SLC19A1: variants seen among roughly 807,000 people sequenced by gnomAD.
SLC19A1 encodes reduced folate transporter.
In SLC19A1, 37 loss-of-function variants were observed where a neutral mutation model predicts 35.3. The ratio of observed to expected loss-of-function variants is 1.05; its 90% CI spans 0.81 to 1.38. The LOEUF is 1.38. Ranked by LOEUF, SLC19A1 falls within the 40% of genes most tolerant of loss-of-function variation. The probability of loss-of-function intolerance (pLI) is 0.00; values close to 1 mark genes in which losing one functional copy is unlikely to be tolerated. For synonymous variants in SLC19A1, 460 were observed against 398.5 expected, an observed-to-expected ratio of 1.15 and a Z score of -1.84; for missense variants, 831 against 826.9, an observed-to-expected ratio of 1.00 and a Z score of -0.06.
intron 5 of SLC19A1, among the ~76,000 whole-genome samples, chr21:45,525,436 C>T (rs1172839500): frequency 6.6e-6 from 1 of 152,270 alleles, no homozygotes; most frequent in African/African-American, 2.4e-5. Flanking sequence ...ACTGACACTG[C>T]TGAGTGGCTC....
chr21:45,517,017 CGAG>C lies in SLC19A1; in HGVS notation c.1294-880_1294-878del, dbSNP rs1034675356. Among the ~76,000 whole-genome samples the C allele has an allele frequency of 9.9e-5, 15 of 152,280 alleles. No individual in the cohort carries two copies. The East Asian group carries it at 1.2e-3, about 12-fold the overall frequency. On this transcript the variant is annotated intron_variant, in intron 5 of 5. Transcript: ENST00000311124. The surrounding 1 kb of genome is among the most constrained non-coding windows in gnomAD (Gnocchi z 4.4). ...CCTGGGAAGACTCTGAAAGCAGGAG[CGAG>C]GAGGACAGACTGACCAGGCCCTCGG...
chr21:45,530,147 A>C lies in SLC19A1; in HGVS notation c.1151+623T>G, dbSNP rs1568996023. On this transcript the variant is annotated intron_variant, in intron 4 of 5. Transcript: ENST00000311124. The surrounding 1 kb of genome is among the most constrained non-coding windows in gnomAD (Gnocchi z 5.3). ...GTGTGGTGTGTTCATGTGAGTGTGCATTGTGTGTCCGTGTGTGTGTGGTGC... is the reference window on the plus strand; with the variant it reads ...GTGTGGTGTGTTCATGTGAGTGTGCCTTGTGTGTCCGTGTGTGTGTGGTGC... Among the ~76,000 whole-genome samples the C allele has an allele frequency of 7.8e-6, 1 of 127,918 alleles. No homozygotes were observed. The highest frequency in any genetic ancestry group is 7.9e-5 in the Admixed American group (1 of 12,710). 83.9% of individuals were successfully genotyped at this position (127,918 alleles called of 152,430 possible).
rs61338739 is a variant in SLC19A1 at position 45,530,762 on chromosome 21, G to T, written c.1151+8C>A. 5,176 of 1,552,336 alleles carry T rather than the reference G, an allele frequency of 3.3e-3. 18 individuals carry two copies. The highest frequency in any genetic ancestry group is 4.2e-3 in the Non-Finnish European group (4,779 of 1,147,862). On this transcript the variant is annotated splice_region_variant and intron_variant, in intron 4 of 5. Transcript: ENST00000311124. This position sits in a 1 kb window ranked among gnomAD's most constrained non-coding sequence, Gnocchi z 5.3. ...CCGCCCCCGGCTTCCCACCCTTCTG[G>T]AACTCACGTGGCGATGGGCACGAGG... is the stretch of plus-strand genomic sequence containing the variant.
rs1301540730 is a variant in SLC19A1, at chr21:45,526,089, G to GC, written c.1152-132dup. The GC allele has an allele frequency of 5.4e-6, 5 of 927,528 alleles. No homozygotes were observed. In the African/African-American group the frequency reaches 8.3e-5, roughly 15 times the overall value. The allele number at this position is 927,528 out of a possible 1,614,324, so 57.5% of individuals were successfully genotyped here. A position where few individuals can be genotyped will look rare whatever the true frequency, so the allele number is the denominator to read the frequency against. On this transcript the variant is annotated intron_variant, in intron 4 of 5. Coordinates refer to ENST00000311124, the MANE Select transcript of SLC19A1 (RefSeq NM_194255.4). ...CCACGGGGTCCCAGGGCACGCACAA[G>GC]CCCCCCACCAGGCCCCCATCTCTCC...
intron 3 of SLC19A1, chr21:45,506,182 T>C: frequency 1.6e-6 from 1 of 638,240 alleles, no homozygotes; most frequent in African/African-American, 1.8e-5. Context: ...TGAAAGTGGA[T>C]GAACACATGG....
rs564547850 is a variant in SLC19A1, at chr21:45,514,622, G to A, written c.*1036C>T. ...AAGGCCCTGCGTGGGCTGGAGGCGGGAGAAGGCTGGGACGCCTCTCCTGGC... is the reference window on the plus strand; with the variant it reads ...AAGGCCCTGCGTGGGCTGGAGGCGGAAGAAGGCTGGGACGCCTCTCCTGGC... On this transcript the variant is annotated 3_prime_UTR_variant, in exon 6 of 6. Transcript: ENST00000311124. 3.2e-3 allele frequency: 645 copies of A among 204,424 alleles called. 5 individuals are homozygous for A. The highest frequency in any genetic ancestry group is 0.014 in the African/African-American group (590 of 43,410). 12.7% of individuals were successfully genotyped at this position (204,424 alleles called of 1,614,324 possible).
chr21:45,505,421 C>A (rs557054483), intron 3 of SLC19A1: 1 of 1,555,054 alleles, frequency 6.4e-7, no homozygotes, highest in South Asian at 1.1e-5. Context: ...ACCATGGGCG[C>A]CTCCTCAGGG....
upstream of SLC19A1, among the ~76,000 whole-genome samples, chr21:45,546,091 A>G (rs1446054091): frequency 1.3e-5 from 2 of 152,192 alleles, no homozygotes; most frequent in African/African-American, 4.8e-5. Flanking sequence ...ACTGACATGG[A>G]TGCCCCTGTG....
downstream of SLC19A1, chr21:45,512,186 A>AG (rs1222545172): frequency 6.2e-7 from 1 of 1,611,432 alleles, no homozygotes; most frequent in Non-Finnish European, 8.5e-7. Flanking sequence ...CGCGTCTTAC[A>AG]GGCCCCAGAA....
Position 45,529,087 on chromosome 21 carries a change from G to A in SLC19A1, c.1151+1683C>T, listed in dbSNP as rs1054041245. Among the ~76,000 whole-genome samples the A allele has an allele frequency of 1.4e-4, 22 of 152,360 alleles. No individual in the cohort carries two copies. In the East Asian group the frequency reaches 1.5e-3, roughly 11 times the overall value. On this transcript the variant is annotated intron_variant, in intron 4 of 5. Transcript: ENST00000311124. Reference sequence around the variant, plus strand: ...AAGCAAGATCACGCTGGGCCTTCACGAGCCAGGGACGGCAAGAGCCCAGTG... The same window carrying A: ...AAGCAAGATCACGCTGGGCCTTCACAAGCCAGGGACGGCAAGAGCCCAGTG...
Position 45,531,887 on chromosome 21 carries a change from G to C in SLC19A1, c.451C>G (p.Arg151Gly). The change falls in exon 3 of 6, where the codon CGT (arginine) becomes GGT (glycine). Residue 151 changes from arginine to glycine, a missense_variant. By Grantham distance (125) the Arg-to-Gly change is moderately radical. Coordinates refer to ENST00000311124, the MANE Select transcript of SLC19A1 (RefSeq NM_194255.4). Reference protein sequence around the residue: ...FSLVRPARYQRVAGYSRAAVL... With the variant: ...FSLVRPARYQGVAGYSRAAVL... ...GCAGCGCGCGAGTAGCCGGCCACAC[G>C]CTGGTAGCGCGCGGGCCGCACGAGA... is the stretch of plus-strand genomic sequence containing the variant. 6.3e-7 allele frequency: 1 copy of C among 1,587,196 alleles called. No homozygotes were observed. Among genetic ancestry groups the C allele is most frequent in the Non-Finnish European group, 8.6e-7 (1 of 1,167,496 alleles).
Position 45,515,626 on chromosome 21 carries a change from G to C in SLC19A1, c.*32C>G, listed in dbSNP as rs57089577. The C allele has an allele frequency of 1.9e-6, 3 of 1,611,714 alleles. No individual in the cohort carries two copies. The highest frequency in any genetic ancestry group is 2.5e-6 in the Non-Finnish European group (3 of 1,179,888). ...GGGTCGTGGGGATGCACTGAGGGCC[G>C]CCTGCAAAGTTACCACAGGGGCGCC... is the stretch of plus-strand genomic sequence containing the variant. On this transcript the variant is annotated 3_prime_UTR_variant, in exon 6 of 6. Transcript: ENST00000311124.
upstream of SLC19A1, chr21:45,543,903 T>G (rs1428678098): frequency 6.6e-6 from 1 of 152,604 alleles, no homozygotes; most frequent in Non-Finnish European, 1.5e-5. Context: ...GGGCCCTTCC[T>G]TCCCTCCAGG....
Position 45,540,193 on chromosome 21 carries a change from C to T in SLC19A1, c.-50+2175G>A, listed in dbSNP as rs2078259899. On this transcript the variant is annotated intron_variant, in intron 1 of 5. Transcript: ENST00000311124. This position sits in a 1 kb window ranked among gnomAD's most constrained non-coding sequence, Gnocchi z 5.5. ...ATACCTCAGACCGCACCCACTCCTC[C>T]CCACTGGGAGACCCATTTGGCCCTG... Among the ~76,000 whole-genome samples, 1 of 152,194 alleles carries T rather than the reference C, an allele frequency of 6.6e-6. No individual in the cohort carries two copies. The highest frequency in any genetic ancestry group is 1.5e-5 in the Non-Finnish European group (1 of 68,016).
chr21:45,527,940 T>TAAAAA (rs35809128), intron 4 of SLC19A1, among the ~76,000 whole-genome samples: 1 of 135,636 alleles, frequency 7.4e-6, no homozygotes, highest in African/African-American at 2.7e-5. Context: ...GCAAAGTGCT[T>TAAAAA]AAAAAAAAAA....
chr21:45,510,391 G>A, downstream of SLC19A1: 2 of 1,067,020 alleles, frequency 1.9e-6, no homozygotes, highest in East Asian at 2.6e-5. Flanking sequence ...CGCCTAGGCT[G>A]GCGACTTCAG....
Position 45,513,943 on chromosome 21 carries a change from GGT to G in SLC19A1, c.*1713_*1714del, listed in dbSNP as rs1475305484. On this transcript the variant is annotated 3_prime_UTR_variant, in exon 6 of 6. Transcript: ENST00000311124. ...GTGCACAGGTACACAGGCATGCACG[GGT>G]GTGTGGACACACACCAACACTCTTA... The G allele has an allele frequency of 2.6e-5, 4 of 152,274 alleles. No individual in the cohort carries two copies. Among genetic ancestry groups the G allele is most frequent in the African/African-American group, 9.7e-5 (4 of 41,432 alleles). 9.4% of individuals were successfully genotyped at this position (152,274 alleles called of 1,614,324 possible). A position where few individuals can be genotyped will look rare whatever the true frequency, so the allele number is the denominator to read the frequency against.
At chr21:45,523,539 G>A (rs974589047) in intron 5 of SLC19A1, among the ~76,000 whole-genome samples, 5 of 152,302 alleles carry the variant, frequency 3.3e-5, no homozygotes, top group Admixed American at 1.3e-4. Flanking sequence ...GCCCCCATGG[G>A]CCCTTAGAAG....
intron 1 of SLC19A1, among the ~76,000 whole-genome samples, chr21:45,561,693 G>A (rs566860261): frequency 7.2e-5 from 11 of 152,126 alleles, no homozygotes; most frequent in South Asian, 4.1e-4. Context: ...CCCAGGAGGC[G>A]GAGGTTGTAG....
Sources: gnomAD v4.1 joint callset for allele counts (sites outside exome capture counted in the v4.1 genomes callset) on GRCh38, gnomAD v4.1.1 for gene constraint, Gnocchi (gnomAD v3.1) non-coding constraint, MANE v1.5 for transcripts, NCBI Gene and HGNC (gene_info 2026-07-23, HGNC 2026-07-21) for gene names.